TRAF3IP1: variants seen among roughly 807,000 people sequenced by gnomAD.
TRAF3IP1 encodes the protein intraflagellar transport 54.
A neutral mutation model predicts 89.9 loss-of-function variants in TRAF3IP1; 53 were observed. The observed-to-expected ratio is 0.59, with a 90% CI of 0.47 to 0.74. TRAF3IP1 has a LOEUF of 0.74. Among genes scored for constraint, TRAF3IP1 ranks in the 30% least tolerant of loss-of-function variants. The pLI is 0.00. For missense variants in TRAF3IP1, 806 were observed against 866.1 expected (o/e 0.93, Z 0.87); for synonymous variants, 311 against 322.1 (o/e 0.97, Z 0.37).
intron 15 of TRAF3IP1, among the ~76,000 whole-genome samples, chr2:238,364,525 T>A (rs546886688): frequency 3.3e-5 from 5 of 152,124 alleles, no homozygotes; most frequent in Admixed American, 1.3e-4. Flanking sequence ...TTTAGGCTAA[T>A]GGCCAACAGT....
intron 15 of TRAF3IP1, among the ~76,000 whole-genome samples, chr2:238,376,579 A>G (rs939483042): frequency 1.3e-5 from 2 of 152,242 alleles, no homozygotes; most frequent in Admixed American, 6.5e-5. Context: ...GAACAAAACT[A>G]TCTCTCCATT....
chr2:238,395,030 C>T (rs768752026), intron 15 of TRAF3IP1, among the ~76,000 whole-genome samples: 7 of 151,766 alleles, frequency 4.6e-5, no homozygotes, highest in African/African-American at 7.3e-5. Context: ...GGCCCCTTAC[C>T]GGTCTGGAGT....
intron 15 of TRAF3IP1, among the ~76,000 whole-genome samples, chr2:238,396,365 T>A (rs1457015789): frequency 5.4e-5 from 6 of 110,704 alleles, no homozygotes; most frequent in Non-Finnish European, 8.4e-5. Flanking sequence ...AACATCACAA[T>A]CCGGGGCCTG....
intron 8 of TRAF3IP1, among the ~76,000 whole-genome samples, chr2:238,341,467 A>G (rs1191839963): frequency 6.6e-6 from 1 of 151,672 alleles, no homozygotes; most frequent in African/African-American, 2.4e-5. Flanking sequence ...GAACTCAGTT[A>G]TTGCTTCCTG....
At chr2:238,353,331 C>T in intron 14 of TRAF3IP1, 122 bp downstream of exon 14, 1 of 1,065,144 alleles carries the variant, frequency 9.4e-7, no homozygotes, top group Non-Finnish European at 1.4e-6. Flanking sequence ...GTCTGGGTCA[C>T]ACTGGCGGGA....
chr2:238,368,774 G>A (rs1699988485), intron 15 of TRAF3IP1, among the ~76,000 whole-genome samples: 1 of 152,110 alleles, frequency 6.6e-6, no homozygotes, highest in Non-Finnish European at 1.5e-5. Flanking sequence ...AGGTTCAAGT[G>A]ATTTTCCTGC....
rs146500483 is a variant in TRAF3IP1 at position 238,345,704 on chromosome 2, G to T, written c.1261+1106G>T. ...GGTAGGATTCCAGGGCTGCTGGCAC[G>T]TGCTGGGGGAGCTGGCCTGGAGCGT... On this transcript the variant is annotated intron_variant, in intron 9 of 16. Coordinates refer to ENST00000373327, the MANE Select transcript of TRAF3IP1 (RefSeq NM_015650.4). This position sits in a 1 kb window ranked among gnomAD's most constrained non-coding sequence, Gnocchi z 4.7. 9.5e-3 allele frequency among the ~76,000 whole-genome samples: 1,450 copies of T among 152,274 alleles called. 6 individuals carry two copies. The highest frequency in any genetic ancestry group is 0.015 in the Non-Finnish European group (997 of 68,014).
At chr2:238,373,652 T>A (rs1311807056) in intron 15 of TRAF3IP1, among the ~76,000 whole-genome samples, 1 of 152,216 alleles carries the variant, frequency 6.6e-6, no homozygotes, top group Non-Finnish European at 1.5e-5. Flanking sequence ...TAGAGTAGTT[T>A]TTTCCAATTC....
At chr2:238,397,381 G>C in intron 15 of TRAF3IP1, 78 bp from the exon 16 acceptor site, 1 of 1,310,974 alleles carries the variant, frequency 7.6e-7, no homozygotes, top group Non-Finnish European at 1.1e-6. Flanking sequence ...CCCCATGGCC[G>C]TGTGCTGAGT....
At chr2:238,374,246 A>C (rs994079302) in intron 15 of TRAF3IP1, among the ~76,000 whole-genome samples, 2 of 152,220 alleles carry the variant, frequency 1.3e-5, no homozygotes, top group African/African-American at 4.8e-5. Flanking sequence ...TTGCCCATTC[A>C]GTATGATATT....
Position 238,332,712 on chromosome 2 carries a change from A to T in TRAF3IP1, c.916-112A>T, listed in dbSNP as rs1698188351. 24 of 785,776 alleles carry T rather than the reference A, an allele frequency of 3.1e-5. No individual in the cohort carries two copies. The South Asian group carries it at 3.8e-4, about 12-fold the overall frequency. The allele number at this position is 785,776 out of a possible 1,614,324, so 48.7% of individuals were successfully genotyped here. ...GCTGGACTGGCGATGTGGTGTTCTC[A>T]TGGGAAGAATGATTTCACTGTTGGT... On this transcript the variant is annotated intron_variant, in intron 5 of 16. Transcript: ENST00000373327.
intron 6 of TRAF3IP1, among the ~76,000 whole-genome samples, chr2:238,333,465 G>A (rs1473861263): frequency 6.6e-6 from 1 of 152,188 alleles, no homozygotes; most frequent in Non-Finnish European, 1.5e-5. Flanking sequence ...GCAGGGAGAT[G>A]GGTTAGGCAT....
intron 15 of TRAF3IP1, among the ~76,000 whole-genome samples, chr2:238,360,691 G>A (rs968545984): frequency 2.0e-5 from 3 of 152,016 alleles, no homozygotes; most frequent in Non-Finnish European, 2.9e-5. Context: ...AGACCATCCT[G>A]GCTAATGGTG....
intron 6 of TRAF3IP1, 36 bp downstream of exon 6, chr2:238,332,931 C>G (rs746634911): frequency 6.7e-7 from 1 of 1,500,040 alleles, no homozygotes; most frequent in African/African-American, 1.4e-5. Context: ...GAGATGTCAA[C>G]TTGTAGCTGT....
intron 8 of TRAF3IP1, among the ~76,000 whole-genome samples, chr2:238,343,744 T>A (rs1198157399): frequency 6.6e-6 from 1 of 150,940 alleles, no homozygotes; most frequent in Admixed American, 6.6e-5. Context: ...CCTAAACTCC[T>A]GGACTCAAGT....
chr2:238,350,080 T>A lies in TRAF3IP1; in HGVS notation c.1451+672T>A, dbSNP rs538529588. On this transcript the variant is annotated intron_variant, in intron 12 of 16. Coordinates refer to ENST00000373327, the MANE Select transcript of TRAF3IP1 (RefSeq NM_015650.4). ...AGTGAGACTATCTCAAAAAAAAAAA[T>A]AAAGTCATAAGCAATATAAAGACAA... is the stretch of plus-strand genomic sequence containing the variant. Among the ~76,000 whole-genome samples, 51 of 151,048 alleles carry A rather than the reference T, an allele frequency of 3.4e-4. No homozygotes were observed. The South Asian group carries it at 6.5e-3, about 19-fold the overall frequency.
At position 238,358,623 on chromosome 2, in the gene TRAF3IP1, G is replaced by A. The variant is rs576938719; in HGVS notation, c.1689+2543G>A. ...GCAGTCCCCAGGATGAACTTGGTGTGTATCTCTACTTTGGATGTGCCTCGT... is the reference window on the plus strand; with the variant it reads ...GCAGTCCCCAGGATGAACTTGGTGTATATCTCTACTTTGGATGTGCCTCGT... On this transcript the variant is annotated intron_variant, in intron 15 of 16. Transcript: ENST00000373327. 2.0e-5 allele frequency among the ~76,000 whole-genome samples: 3 copies of A among 152,326 alleles called. No individual in the cohort carries two copies. The East Asian group carries it at 5.8e-4, about 29-fold the overall frequency.
rs1211536706 is a variant in TRAF3IP1, at chr2:238,328,737, G to GT, written c.407dup (p.Lys137GlufsTer15). 1 of 1,613,932 alleles carries GT rather than the reference G, an allele frequency of 6.2e-7. No individual in the cohort carries two copies. Among genetic ancestry groups the GT allele is most frequent in the African/African-American group, 1.3e-5 (1 of 74,900 alleles). On this transcript the variant is annotated frameshift_variant, in exon 4 of 17. Coordinates refer to ENST00000373327, the MANE Select transcript of TRAF3IP1 (RefSeq NM_015650.4). LOFTEE classifies it high-confidence loss of function. Reference sequence around the variant, plus strand: ...GGTTTTAGCTGGAGAGAAGGGAGAAGTGAAAGGCCGGGCCTCACTGACCTC... The same window carrying GT: ...GGTTTTAGCTGGAGAGAAGGGAGAAGTTGAAAGGCCGGGCCTCACTGACCTC...
At chr2:238,372,225 C>T (rs1282580258) in intron 15 of TRAF3IP1, among the ~76,000 whole-genome samples, 1 of 152,116 alleles carries the variant, frequency 6.6e-6, no homozygotes, top group Non-Finnish European at 1.5e-5. Flanking sequence ...TGGTTTGCTG[C>T]ACCCATCAAC....
Sources: gnomAD v4.1 joint callset for allele counts (sites outside exome capture counted in the v4.1 genomes callset) on GRCh38, gnomAD v4.1.1 for gene constraint, Gnocchi (gnomAD v3.1) non-coding constraint, MANE v1.5 for transcripts, NCBI Gene and HGNC (gene_info 2026-07-23, HGNC 2026-07-21) for gene names.